Variants in PPIL4 observed in about 807,000 individuals in gnomAD.
PPIL4 encodes peptidylprolyl isomerase like 4.
PPIL4 carries 50 observed loss-of-function variants against 69.1 expected under a neutral mutation model. The ratio of observed to expected loss-of-function variants is 0.72; its 90% confidence interval spans 0.58 to 0.92. The LOEUF is 0.92. PPIL4 is among the 40% of genes least tolerant of loss of function. The probability of loss-of-function intolerance (pLI) is 0.00; values close to 1 mark genes in which losing one functional copy is unlikely to be tolerated. For synonymous variants in PPIL4, 193 were observed against 191.6 expected, an observed-to-expected ratio of 1.01 and a Z score of -0.06; for missense variants, 480 against 587.9, an observed-to-expected ratio of 0.82 and a Z score of 1.90.
intron 7 of PPIL4, among the ~76,000 whole-genome samples, chr6:149,527,250 C>T (rs1297164412): frequency 2.0e-5 from 3 of 152,108 alleles, no homozygotes; most frequent in Admixed American, 6.5e-5. Context: ...CCTAACTACT[C>T]GGGACACTGA....
intron 1 of PPIL4, among the ~76,000 whole-genome samples, chr6:149,545,226 T>C (rs1021797223): frequency 8.5e-5 from 13 of 152,224 alleles, no homozygotes; most frequent in Non-Finnish European, 5.9e-5. Flanking sequence ...CATTCATCTT[T>C]GAAAGAACTA....
intron 7 of PPIL4, among the ~76,000 whole-genome samples, chr6:149,530,336 C>T (rs899649699): frequency 3.9e-5 from 6 of 152,048 alleles, no homozygotes; most frequent in African/African-American, 1.2e-4. Flanking sequence ...CCATGAGACA[C>T]GGATAATGAA....
chr6:149,512,188 A>C lies in PPIL4; in HGVS notation c.1194T>G (p.Asp398Glu). ...KTHHCSEEKEDEDYMPIKNTN... is the reference protein window; with the variant it reads ...KTHHCSEEKEEEDYMPIKNTN... Reference sequence around the variant, plus strand: ...TATTTTTGATTGGCATGTAGTCCTCATCTTCTTTCTCTTCAGAACAGTGAT... The same window carrying C: ...TATTTTTGATTGGCATGTAGTCCTCCTCTTCTTTCTCTTCAGAACAGTGAT... Residue 398 changes from aspartate to glutamate, a missense_variant, in exon 12 of 13, where the codon GAT (aspartate) becomes GAG (glutamate). By Grantham distance (45) the Asp-to-Glu change is conservative. Transcript: ENST00000253329. The C allele has an allele frequency of 6.2e-7, 1 of 1,612,936 alleles. No individual in the cohort carries two copies. The highest frequency in any genetic ancestry group is 8.5e-7 in the Non-Finnish European group (1 of 1,179,468).
In PPIL4 at chr6:149,529,462, T is replaced by TA. The variant is rs1562260409; in HGVS notation, c.679-2687_679-2686insT. 1.5e-3 allele frequency among the ~76,000 whole-genome samples: 225 copies of TA among 148,664 alleles called. 3 individuals are homozygous for TA. Among genetic ancestry groups the TA allele is most frequent in the East Asian group, 3.2e-3 (16 of 4,982 alleles). Reference sequence around the variant, plus strand: ...AGAACCTGTCTCAAATAAAAAAAAATTAAAAAAAATTAAAAAAAGGGCCGG... The same window carrying TA: ...AGAACCTGTCTCAAATAAAAAAAAATATAAAAAAAATTAAAAAAAGGGCCGG... On this transcript the variant is annotated intron_variant, in intron 7 of 12. Coordinates refer to ENST00000253329, the MANE Select transcript of PPIL4 (RefSeq NM_139126.4).
intron 11 of PPIL4, 24 bp downstream of exon 11, chr6:149,517,330 C>T (rs758109872): frequency 2.4e-6 from 3 of 1,274,488 alleles, no homozygotes; most frequent in Non-Finnish European, 3.4e-6. Flanking sequence ...TACATATTAA[C>T]TAACTGATTC....
chr6:149,540,869 A>T, intron 4 of PPIL4, 73 bp downstream of exon 4: 1 of 944,378 alleles, frequency 1.1e-6, no homozygotes, highest in South Asian at 1.6e-5. Context: ...TGGATAGTTT[A>T]AAAAATAACT....
At chr6:149,516,250 T>C (rs2115029759) in intron 11 of PPIL4, among the ~76,000 whole-genome samples, 1 of 152,346 alleles carries the variant, frequency 6.6e-6, no homozygotes, top group African/African-American at 2.4e-5. Context: ...CCTTGAATGT[T>C]GATCTTTTCT....
At chr6:149,514,007 G>C (rs1437766498) in intron 11 of PPIL4, among the ~76,000 whole-genome samples, 1 of 152,120 alleles carries the variant, frequency 6.6e-6, no homozygotes, top group Non-Finnish European at 1.5e-5. Flanking sequence ...CACAGTAAAC[G>C]CAGACACACT....
chr6:149,512,198 T>A lies in PPIL4; in HGVS notation c.1184A>T (p.Glu395Val). Reference sequence around the variant, plus strand: ...TGGCATGTAGTCCTCATCTTCTTTCTCTTCAGAACAGTGATGGGTTTTCTT... The same window carrying A: ...TGGCATGTAGTCCTCATCTTCTTTCACTTCAGAACAGTGATGGGTTTTCTT... ...HKKKTHHCSE[E>V]KEDEDYMPIK... The change falls in exon 12 of 13, where the codon GAG (glutamate) becomes GTG (valine). Residue 395 changes from glutamate (E) to valine (V), a missense_variant. Glu to Val is a moderately radical substitution (Grantham distance 121). Coordinates refer to ENST00000253329, the MANE Select transcript of PPIL4 (RefSeq NM_139126.4). 6.2e-7 allele frequency: 1 copy of A among 1,613,364 alleles called. No individual in the cohort carries two copies. The highest frequency in any genetic ancestry group is 8.5e-7 in the Non-Finnish European group (1 of 1,179,608).
intron 5 of PPIL4, 95 bp downstream of exon 5, chr6:149,535,501 G>A (rs1241642662): frequency 2.5e-6 from 2 of 807,968 alleles, no homozygotes; most frequent in African/African-American, 3.4e-5. Context: ...CCAGAAACCA[G>A]TCCTATGCAT....
chr6:149,544,160 C>A (rs62442798), intron 1 of PPIL4, among the ~76,000 whole-genome samples: 1 of 151,924 alleles, frequency 6.6e-6, no homozygotes, highest in Non-Finnish European at 1.5e-5. Flanking sequence ...ATTTATTTTG[C>A]CAGGTGCTAC....
intron 1 of PPIL4, among the ~76,000 whole-genome samples, chr6:149,542,709 A>C (rs974780941): frequency 6.6e-6 from 1 of 152,214 alleles, no homozygotes; most frequent in African/African-American, 2.4e-5. Flanking sequence ...TGGCTAGGGA[A>C]ATTAGAAAAC....
intron 7 of PPIL4, among the ~76,000 whole-genome samples, chr6:149,532,364 A>G (rs1562261111): frequency 6.6e-6 from 1 of 152,214 alleles, no homozygotes; most frequent in Admixed American, 6.5e-5. Flanking sequence ...GAAAAGTCTG[A>G]TAACAATCTA....
chr6:149,538,682 G>C (rs1288634902), intron 4 of PPIL4, among the ~76,000 whole-genome samples: 2 of 152,130 alleles, frequency 1.3e-5, no homozygotes, highest in African/African-American at 4.8e-5. Context: ...GACTTTGAGT[G>C]GCTCAAGACT....
intron 7 of PPIL4, among the ~76,000 whole-genome samples, chr6:149,531,351 G>A (rs1490740965): frequency 3.6e-5 from 5 of 138,408 alleles, no homozygotes; most frequent in East Asian, 4.2e-4. Context: ...ATAACAGAGC[G>A]AGATTCTGTC....
At chr6:149,528,873 A>T (rs751537061) in intron 7 of PPIL4, among the ~76,000 whole-genome samples, 5 of 152,238 alleles carry the variant, frequency 3.3e-5, no homozygotes, top group Non-Finnish European at 4.4e-5. Context: ...ATCTTTCAAC[A>T]GGTAAAAAAT....
At chr6:149,519,957 C>T (rs1326002912) in intron 10 of PPIL4, among the ~76,000 whole-genome samples, 2 of 152,166 alleles carry the variant, frequency 1.3e-5, no homozygotes, top group Non-Finnish European at 2.9e-5. Flanking sequence ...AGAGACCCAA[C>T]TTTTAAGACT....
chr6:149,505,244 CAATAA>C lies in PPIL4; in HGVS notation c.*204_*208del. ...AATGAAGACTACCATTTATGTATAA[CAATAA>C]AATTAGTGTAAAAAAGTATACAAAG... On this transcript the variant is annotated 3_prime_UTR_variant, in exon 13 of 13. Transcript: ENST00000253329. The C allele has an allele frequency of 2.2e-6, 1 of 445,052 alleles. No individual in the cohort carries two copies. The highest frequency in any genetic ancestry group is 2.0e-5 in the African/African-American group (1 of 49,202). The allele number at this position is 445,052 out of a possible 1,614,324, so 27.6% of individuals were successfully genotyped here.
At chr6:149,535,144 C>T (rs1167680252) in intron 5 of PPIL4, among the ~76,000 whole-genome samples, 1 of 152,152 alleles carries the variant, frequency 6.6e-6, no homozygotes, top group Non-Finnish European at 1.5e-5. Flanking sequence ...ATCATGAGGT[C>T]AGGAGATCGT....
Sources: gnomAD v4.1 joint callset for allele counts (sites outside exome capture counted in the v4.1 genomes callset) on GRCh38, gnomAD v4.1.1 for gene constraint, MANE v1.5 for transcripts, NCBI Gene and HGNC (gene_info 2026-07-23, HGNC 2026-07-21) for gene names.